RBL1: variants seen among roughly 807,000 people sequenced by gnomAD.
RBL1 encodes the protein retinoblastoma-like protein 1.
In RBL1, 82 loss-of-function variants were observed where a neutral mutation model predicts 123.0. That is an observed-to-expected ratio of 0.67 (90% CI 0.56 to 0.80). The LOEUF is 0.80. Among genes scored for constraint, RBL1 ranks in the 30% least tolerant of loss-of-function variants. The pLI is 0.00. For missense variants in RBL1, 1,171 were observed against 1,299.6 expected (o/e 0.90, Z 1.52); for synonymous variants, 405 against 441.3 (o/e 0.92, Z 1.03).
At chr20:37,038,274 G>C (rs2064660871) in intron 14 of RBL1, among the ~76,000 whole-genome samples, 1 of 150,578 alleles carries the variant, frequency 6.6e-6, no homozygotes. Context: ...TTACAGGCGT[G>C]AGCCACTGTG....
chr20:37,089,868 T>C (rs2065620491), intron 1 of RBL1, among the ~76,000 whole-genome samples: 1 of 152,024 alleles, frequency 6.6e-6, no homozygotes, highest in South Asian at 2.1e-4. Flanking sequence ...CTGGCCAACA[T>C]GGCAAAACTC....
Position 37,035,459 on chromosome 20 carries a change from A to AG in RBL1, c.1952dup (p.Thr652TyrfsTer6). The AG allele has an allele frequency of 6.2e-7, 1 of 1,613,248 alleles. No homozygotes were observed. Among genetic ancestry groups the AG allele is most frequent in the Middle Eastern group, 1.7e-4 (1 of 6,056 alleles). ...GTCTTCTCTTAGCACTCCCTGCGGT[A>AG]GGAGAACTGTAGCGTTCATGGACAG... On this transcript the variant is annotated frameshift_variant, in exon 15 of 22. Transcript: ENST00000373664. LOFTEE classifies it high-confidence loss of function.
intron 9 of RBL1, 54 bp from the exon 10 acceptor site, chr20:37,056,312 A>G (rs2065005119): frequency 1.3e-6 from 2 of 1,507,452 alleles, no homozygotes; most frequent in African/African-American, 2.8e-5. Flanking sequence ...AAACAAACAA[A>G]AAAGACTCCA....
At chr20:37,035,150 T>G in intron 15 of RBL1, 92 bp downstream of exon 15, 14 of 1,246,890 alleles carry the variant, frequency 1.1e-5, no homozygotes, top group Non-Finnish European at 1.3e-5. Flanking sequence ...GAAAAAATAA[T>G]GAGTTAGAAA....
At chr20:37,055,405 T>C (rs1600541402) in intron 11 of RBL1, 148 bp downstream of exon 11, 1 of 1,152,446 alleles carries the variant, frequency 8.7e-7, no homozygotes, top group Non-Finnish European at 1.2e-6. Flanking sequence ...TTGATTAGCC[T>C]TGCATGTGCT....
chr20:37,094,661 T>A (rs956909607), intron 1 of RBL1, among the ~76,000 whole-genome samples: 3 of 152,182 alleles, frequency 2.0e-5, no homozygotes, highest in African/African-American at 7.2e-5. Flanking sequence ...TGTTTTTAGA[T>A]AGAGTCTTGC....
intron 16 of RBL1, among the ~76,000 whole-genome samples, chr20:37,024,337 A>C (rs767597021): frequency 2.0e-5 from 3 of 152,198 alleles, no homozygotes; most frequent in Non-Finnish European, 2.9e-5. Context: ...GAGCAGAGAG[A>C]AAGATGCTAG....
At chr20:37,005,026 G>A (rs62206477) in intron 20 of RBL1, among the ~76,000 whole-genome samples, 20,997 of 152,018 alleles carry the variant, frequency 0.14, 2,162 homozygotes, top group East Asian at 0.47. Context: ...GGGTGACAGA[G>A]TGAGACTCTG....
At chr20:37,022,279 C>T (rs568960565) in intron 17 of RBL1, among the ~76,000 whole-genome samples, 1 of 152,228 alleles carries the variant, frequency 6.6e-6, no homozygotes, top group Non-Finnish European at 1.5e-5. Flanking sequence ...AAATGCTCTT[C>T]TGAGGCAGCA....
intron 16 of RBL1, among the ~76,000 whole-genome samples, chr20:37,031,070 T>G (rs1211815942): frequency 6.6e-6 from 1 of 151,772 alleles, no homozygotes; most frequent in Non-Finnish European, 1.5e-5. Flanking sequence ...ATAATAAATA[T>G]AAGAGCTAAA....
At chr20:37,077,786 T>TTAA (rs1330256273) in intron 2 of RBL1, among the ~76,000 whole-genome samples, 1 of 121,680 alleles carries the variant, frequency 8.2e-6, no homozygotes. Context: ...TTCTATTTTC[T>TTAA]GAAAAAAAAA....
intron 2 of RBL1, among the ~76,000 whole-genome samples, chr20:37,075,581 G>C (rs900152455): frequency 7.9e-5 from 12 of 152,134 alleles, no homozygotes; most frequent in African/African-American, 2.9e-4. Context: ...TCAGCCTCCT[G>C]AGTAGCTGGG....
intron 16 of RBL1, among the ~76,000 whole-genome samples, chr20:37,025,708 G>T (rs1215886604): frequency 6.6e-6 from 1 of 151,018 alleles, no homozygotes; most frequent in Admixed American, 6.6e-5. Context: ...TAGAAACCTT[G>T]TGTTGAAAAT....
chr20:37,025,067 T>C (rs1247709872), intron 16 of RBL1, among the ~76,000 whole-genome samples: 1 of 152,208 alleles, frequency 6.6e-6, no homozygotes, highest in Non-Finnish European at 1.5e-5. Flanking sequence ...ACCCACAATG[T>C]AATGAAAATA....
At chr20:37,007,313 T>C (rs541128852) in intron 20 of RBL1, 98 bp downstream of exon 20, 1 of 1,278,720 alleles carries the variant, frequency 7.8e-7, no homozygotes, top group Admixed American at 2.0e-5. Flanking sequence ...GATTAATTGC[T>C]AGTAATTTTA....
intron 2 of RBL1, among the ~76,000 whole-genome samples, chr20:37,086,073 A>G (rs1040900200): frequency 3.9e-5 from 6 of 152,094 alleles, no homozygotes; most frequent in Admixed American, 2.0e-4. Flanking sequence ...GTACTGCTCT[A>G]CATTTGTTTT....
In RBL1 at chr20:37,000,347, C is replaced by T. The variant is rs1210980759; in HGVS notation, c.3037-1418G>A. On this transcript the variant is annotated intron_variant, in intron 21 of 21. Coordinates refer to ENST00000373664, the MANE Select transcript of RBL1 (RefSeq NM_002895.5). ...GGGGTCAGCCCCCCACCCGGCCAGCCGCCCCGTCCAGAAGGGAGGTGGGGG... is the reference window on the plus strand; with the variant it reads ...GGGGTCAGCCCCCCACCCGGCCAGCTGCCCCGTCCAGAAGGGAGGTGGGGG... Among the ~76,000 whole-genome samples, 27 of 150,204 alleles carry T rather than the reference C, an allele frequency of 1.8e-4. No homozygotes were observed. The East Asian group carries it at 4.8e-3, about 27-fold the overall frequency.
intron 2 of RBL1, among the ~76,000 whole-genome samples, chr20:37,075,543 C>T (rs2065350319): frequency 6.6e-6 from 1 of 152,082 alleles, no homozygotes; most frequent in Admixed American, 6.6e-5. Context: ...GCAACCTCCA[C>T]CTCCTGGGTT....
At chr20:37,009,127 C>T (rs914643542) in intron 19 of RBL1, among the ~76,000 whole-genome samples, 6 of 151,976 alleles carry the variant, frequency 3.9e-5, no homozygotes, top group Admixed American at 3.3e-4. Flanking sequence ...TGGGATCCAG[C>T]GACTCTCCTG....
Sources: allele counts gnomAD v4.1 joint callset (sites outside exome capture counted in the v4.1 genomes callset), GRCh38; gene constraint gnomAD v4.1.1; transcripts MANE v1.5; gene names NCBI Gene and HGNC (gene_info 2026-07-23, HGNC 2026-07-21).